RGS3: variants seen among roughly 807,000 people sequenced by gnomAD.
RGS3 encodes the protein regulator of G protein signaling 3.
Under a neutral mutation model 132.6 loss-of-function variants are expected in RGS3, and 80 were observed. The ratio of observed to expected loss-of-function variants is 0.60; its 90% CI spans 0.50 to 0.73. The LOEUF (loss-of-function observed/expected upper bound fraction) is 0.73, where lower values mean the gene tolerates loss of function less well. Ranked by LOEUF, RGS3 falls within the 30% of genes least tolerant of loss-of-function variation. RGS3 has a pLI of 0.00. For missense variants in RGS3, 1,382 were observed against 1,530.8 expected, an observed-to-expected ratio of 0.90 and a Z score of 1.62; for synonymous variants, 598 against 620.6, an observed-to-expected ratio of 0.96 and a Z score of 0.54.
At chr9:113,533,662 C>G (rs1832564807) in intron 18 of RGS3, among the ~76,000 whole-genome samples, 1 of 152,256 alleles carries the variant, frequency 6.6e-6, no homozygotes, top group Non-Finnish European at 1.5e-5. Context: ...GCCCACCCAA[C>G]TGGGTAGAAG....
chr9:113,489,483 G>A (rs1271494210), intron 7 of RGS3, among the ~76,000 whole-genome samples: 1 of 152,126 alleles, frequency 6.6e-6, no homozygotes, highest in Non-Finnish European at 1.5e-5. Context: ...CAGTATGCTT[G>A]CTCCTCAGGA....
At chr9:113,464,184 G>T (rs1161149258) in intron 3 of RGS3, among the ~76,000 whole-genome samples, 1 of 152,246 alleles carries the variant, frequency 6.6e-6, no homozygotes, top group East Asian at 1.9e-4. Context: ...TGTCACCACG[G>T]AGTTTCTCAT....
At chr9:113,583,968 A>T in exon 20 of RGS3, 1 of 1,614,108 alleles carries the variant, frequency 6.2e-7, no homozygotes, top group Non-Finnish European at 8.5e-7. Context: ...CCCCCAGGCC[A>T]GCCTTCGTGA....
At chr9:113,520,255 G>T (rs1831877169) in intron 16 of RGS3, among the ~76,000 whole-genome samples, 1 of 152,238 alleles carries the variant, frequency 6.6e-6, no homozygotes. Context: ...GGCTGCCGTG[G>T]CCCCTGCTGG....
intron 19 of RGS3, among the ~76,000 whole-genome samples, chr9:113,575,852 T>C (rs1431686358): frequency 1.3e-5 from 2 of 152,324 alleles, no homozygotes; most frequent in Non-Finnish European, 1.5e-5. Flanking sequence ...AGTGTACTTC[T>C]CCGTTAAGAA....
intron 9 of RGS3, 64 bp downstream of exon 7, chr9:113,497,468 G>T (rs1352884799): frequency 5.1e-6 from 7 of 1,360,368 alleles, no homozygotes; most frequent in Middle Eastern, 1.9e-4. Flanking sequence ...TTCCTGCATA[G>T]CGGCATCAGT....
chr9:113,524,567 G>A (rs896225592), intron 17 of RGS3, among the ~76,000 whole-genome samples: 1 of 152,232 alleles, frequency 6.6e-6, no homozygotes, highest in Non-Finnish European at 1.5e-5. Context: ...AGGTTGCGGG[G>A]AGAAGGTAGT....
intron 11 of RGS3, among the ~76,000 whole-genome samples, chr9:113,505,863 A>G (rs1047467422): frequency 3.3e-5 from 5 of 152,226 alleles, no homozygotes; most frequent in East Asian, 1.9e-4. Context: ...TATCCTATCC[A>G]GAGCCTGATC....
At chr9:113,469,042 A>AT (rs145400431) in intron 3 of RGS3, among the ~76,000 whole-genome samples, 3,753 of 101,854 alleles carry the variant, frequency 0.037, 195 homozygotes, top group African/African-American at 0.1. Context: ...TTTGCTCAGC[A>AT]TTTTTTTTTT....
In RGS3 at chr9:113,565,068, G is replaced by T. The variant is rs1588258074; in HGVS notation, c.2038-18382G>T. 7.0e-6 allele frequency: 8 copies of T among 1,142,168 alleles called. No homozygotes were observed. Among genetic ancestry groups the T allele is most frequent in the East Asian group, 7.0e-5 (1 of 14,316 alleles). The allele number at this position is 1,142,168 out of a possible 1,614,324, so 70.8% of individuals were successfully genotyped here. ...CTGCTAGGGATCCCAGTGCCAGGGGGTGCCGTTGTGAGGGATGGACGCCTC... is the reference window on the plus strand; with the variant it reads ...CTGCTAGGGATCCCAGTGCCAGGGGTTGCCGTTGTGAGGGATGGACGCCTC... On this transcript the variant is annotated intron_variant, in intron 19 of 24. Coordinates refer to ENST00000350696, the Ensembl canonical transcript of RGS3. The surrounding 1 kb of genome is among the most constrained non-coding windows in gnomAD (Gnocchi z 5.7).
chr9:113,593,288 G>A (rs1009173666), intron 21 of RGS3, among the ~76,000 whole-genome samples: 2 of 152,124 alleles, frequency 1.3e-5, no homozygotes, highest in Non-Finnish European at 2.9e-5. Context: ...AAGTATAAAT[G>A]CTTCAAACTT....
chr9:113,511,920 G>C (rs7045347), intron 14 of RGS3, among the ~76,000 whole-genome samples: 18,000 of 151,960 alleles, frequency 0.12, 1,270 homozygotes, highest in African/African-American at 0.19. Flanking sequence ...GTTTGAGACC[G>C]AGCAGCCCTG....
At chr9:113,583,473 G>A (rs1564605375) in exon 20 of RGS3, 1 of 1,614,234 alleles carries the variant, frequency 6.2e-7, no homozygotes, top group East Asian at 2.2e-5. Flanking sequence ...AGGCAGATGA[G>A]AAGAGGGAGA....
In RGS3 at chr9:113,471,407, C is replaced by T. The variant is rs1265264449; in HGVS notation, c.416-8084C>T. Among the ~76,000 whole-genome samples, 3 of 152,282 alleles carry T rather than the reference C, an allele frequency of 2.0e-5. No homozygotes were observed. The East Asian group carries it at 5.8e-4, about 29-fold the overall frequency. ...AAACACTAGGTTTCCTTCTACAGTC[C>T]TCCATTCCCCTAGATCCTGCCTGGT... On this transcript the variant is annotated intron_variant, in intron 3 of 24. Coordinates refer to ENST00000350696, the Ensembl canonical transcript of RGS3.
chr9:113,495,491 G>A (rs1398521420), intron 7 of RGS3, among the ~76,000 whole-genome samples: 5 of 152,312 alleles, frequency 3.3e-5, no homozygotes, highest in East Asian at 1.9e-4. Flanking sequence ...GCACCAGAAC[G>A]GTTAAAACTC....
In RGS3 at chr9:113,594,302, G is replaced by A. The variant is rs143372017; in HGVS notation, c.3081-128G>A. On this transcript the variant is annotated intron_variant, in intron 21 of 24. Transcript: ENST00000350696. ...ATGCTCCGAGGCATGTACCTCACTC[G>A]CAACGGGAACCTGCAGAGGCGACAC... The A allele has an allele frequency of 2.7e-5, 43 of 1,595,060 alleles. No individual in the cohort carries two copies. The East Asian group carries it at 4.0e-4, about 15-fold the overall frequency.
At chr9:113,529,554 G>T (rs558177816) in intron 18 of RGS3, among the ~76,000 whole-genome samples, 2 of 152,324 alleles carry the variant, frequency 1.3e-5, no homozygotes, top group East Asian at 3.9e-4. Flanking sequence ...TCTCAGTGGG[G>T]GTGTGGCCGG....
At chr9:113,587,149 G>A (rs1835157979) in intron 20 of RGS3, among the ~76,000 whole-genome samples, 1 of 151,798 alleles carries the variant, frequency 6.6e-6, no homozygotes, top group African/African-American at 2.4e-5. Context: ...AGTGATGATG[G>A]CACTGGACAA....
intron 20 of RGS3, among the ~76,000 whole-genome samples, chr9:113,584,646 G>A (rs1258723586): frequency 6.6e-6 from 1 of 152,210 alleles, no homozygotes; most frequent in Non-Finnish European, 1.5e-5. Flanking sequence ...TCCAGATGCT[G>A]TGTTCTTATA....
Sources: allele counts gnomAD v4.1 joint callset (sites outside exome capture counted in the v4.1 genomes callset), GRCh38; gene constraint gnomAD v4.1.1; non-coding constraint Gnocchi (gnomAD v3.1); transcripts MANE v1.5; gene names NCBI Gene and HGNC (gene_info 2026-07-23, HGNC 2026-07-21).